MYO1H: variants seen among roughly 807,000 people sequenced by gnomAD.
MYO1H encodes the protein myosin IH.
MYO1H carries 118 observed loss-of-function variants against 149.3 expected under a neutral mutation model. The ratio of observed to expected loss-of-function variants is 0.79; its 90% CI spans 0.68 to 0.92. The LOEUF is 0.92. MYO1H is among the 40% of genes least tolerant of loss of function. The probability of loss-of-function intolerance (pLI) is 0.00; values close to 1 mark genes in which losing one functional copy is unlikely to be tolerated. For missense variants in MYO1H, 1,212 were observed against 1,280.7 expected (o/e 0.95, Z 0.82); for synonymous variants, 447 against 465.2 (o/e 0.96, Z 0.50).
At chr12:109,425,325 C>T (rs145358359) in intron 17 of MYO1H, among the ~76,000 whole-genome samples, 7 of 152,246 alleles carry the variant, frequency 4.6e-5, no homozygotes, top group African/African-American at 1.7e-4. Flanking sequence ...CAGAGCAAGA[C>T]CCTGTCTCTT....
intron 27 of MYO1H, among the ~76,000 whole-genome samples, chr12:109,443,174 A>ATATGTGTGTATATATGTGTACG: frequency 8.6e-6 from 1 of 115,640 alleles, no homozygotes; most frequent in Middle Eastern, 4.0e-3. Context: ...ATGTGTACGT[A>ATATGTGTGTATATATGTGTACG]TGTGTGTATA....
At chr12:109,410,209 A>T (rs758423648) in intron 12 of MYO1H, 141 bp downstream of exon 12, 3 of 476,334 alleles carry the variant, frequency 6.3e-6, no homozygotes, top group African/African-American at 6.1e-5. Context: ...TGGCACAATC[A>T]TGACTGGTTG....
chr12:109,430,100 A>G (rs1871546982), intron 19 of MYO1H, among the ~76,000 whole-genome samples: 1 of 152,232 alleles, frequency 6.6e-6, no homozygotes, highest in South Asian at 2.1e-4. Flanking sequence ...AGATTTCATC[A>G]TATGAATTTT....
the MYO1H span, among the ~76,000 whole-genome samples, chr12:109,342,673 T>C: frequency 6.6e-6 from 1 of 150,768 alleles, no homozygotes; most frequent in Non-Finnish European, 1.5e-5. Context: ...CTTCCAAGTA[T>C]TTGGGACCAC....
chr12:109,396,186 G>C (rs968952536), intron 3 of MYO1H, among the ~76,000 whole-genome samples, 198 bp from the exon 4 acceptor site: 1 of 152,036 alleles, frequency 6.6e-6, no homozygotes, highest in African/African-American at 2.4e-5. Context: ...GCTTCCCAGA[G>C]TGCTGGGATT....
At chr12:109,377,956 C>A (rs1869117925) in intron 1 of MYO1H, among the ~76,000 whole-genome samples, 1 of 152,152 alleles carries the variant, frequency 6.6e-6, no homozygotes, top group Non-Finnish European at 1.5e-5. Context: ...AATGTCATTT[C>A]CTCCGTATTT....
chr12:109,440,088 G>A (rs549778000), intron 24 of MYO1H, among the ~76,000 whole-genome samples: 2 of 151,150 alleles, frequency 1.3e-5, no homozygotes, highest in Non-Finnish European at 2.9e-5. Flanking sequence ...AGGCTAGAGT[G>A]CAGTGGCGCG....
At chr12:109,312,808 T>G in the MYO1H span, among the ~76,000 whole-genome samples, 36 of 150,306 alleles carry the variant, frequency 2.4e-4, no homozygotes, top group African/African-American at 8.6e-4. Flanking sequence ...TTTTTTTAAC[T>G]TGAACCATTA....
chr12:109,351,450 A>G (rs1868459415), intron 1 of MYO1H, among the ~76,000 whole-genome samples: 1 of 152,252 alleles, frequency 6.6e-6, no homozygotes, highest in African/African-American at 2.4e-5. Context: ...ATTTTAAGGT[A>G]ACTTCCTAAT....
At chr12:109,364,250 A>G (rs1868819447) in intron 1 of MYO1H, among the ~76,000 whole-genome samples, 1 of 151,706 alleles carries the variant, frequency 6.6e-6, no homozygotes, top group African/African-American at 2.4e-5. Flanking sequence ...GCCTCATGTA[A>G]CTGTCTGTCC....
At chr12:109,423,185 G>C (rs1236827146) in intron 16 of MYO1H, among the ~76,000 whole-genome samples, 2 of 152,104 alleles carry the variant, frequency 1.3e-5, no homozygotes, top group Non-Finnish European at 2.9e-5. Flanking sequence ...TTGAGACAGA[G>C]TCTCACTCTG....
chr12:109,436,475 GTTTTA>G lies in MYO1H; in HGVS notation c.2141-7_2141-3del, dbSNP rs754486212. Reference sequence around the variant, plus strand: ...GCAAAGCCATTTCACCAAAACGTCTGTTTTATTTTAAGTTGCAAGAATCCAAGCCA... The same window carrying G: ...GCAAAGCCATTTCACCAAAACGTCTGTTTTAAGTTGCAAGAATCCAAGCCA... On this transcript the variant is annotated splice_region_variant and splice_polypyrimidine_tract_variant and intron_variant, in intron 21 of 31. Coordinates refer to ENST00000310903, the Ensembl canonical transcript of MYO1H. 71 of 1,603,882 alleles carry G rather than the reference GTTTTA, an allele frequency of 4.4e-5. No homozygotes were observed. In the African/African-American group the frequency reaches 6.8e-4, roughly 15 times the overall value.
At chr12:109,420,400 A>C (rs1871123596) in intron 15 of MYO1H, among the ~76,000 whole-genome samples, 2 of 152,170 alleles carry the variant, frequency 1.3e-5, no homozygotes, top group African/African-American at 4.8e-5. Context: ...AAAGAGGTTT[A>C]ATTAACTCAA....
chr12:109,406,892 C>T (rs375421716), intron 9 of MYO1H, 32 bp downstream of exon 9: 34 of 1,591,952 alleles, frequency 2.1e-5, no homozygotes, highest in Non-Finnish European at 2.8e-5. Flanking sequence ...AATGTGCCAG[C>T]CCTCCCTGCT....
chr12:109,443,760 C>A (rs541182663), intron 28 of MYO1H, 111 bp downstream of exon 28: 268 of 1,251,456 alleles, frequency 2.1e-4, no homozygotes, highest in Non-Finnish European at 2.7e-4. Flanking sequence ...CCATAAACCC[C>A]GGGGTAGTGA....
intron 22 of MYO1H, among the ~76,000 whole-genome samples, 191 bp from the exon 23 acceptor site, chr12:109,438,344 CT>C (rs1871960686): frequency 1.3e-5 from 2 of 152,298 alleles, no homozygotes; most frequent in African/African-American, 4.8e-5. Context: ...CTGTCTCCCC[CT>C]GGTTCAGTTG....
Position 109,371,216 on chromosome 12 carries a change from T to TC in MYO1H, c.13-17467_13-17466insC, listed in dbSNP as rs1211109982. On this transcript the variant is annotated intron_variant, in intron 1 of 31. Coordinates refer to ENST00000310903, the Ensembl canonical transcript of MYO1H. ...ATTGGTTTTCTTTTTTTTCTTTCTT[T>TC]TTTTTTTTTTTTTTTTTGAAATAGG... Among the ~76,000 whole-genome samples, 140 of 141,564 alleles carry TC rather than the reference T, an allele frequency of 9.9e-4. 1 individual carries two copies. Among genetic ancestry groups the TC allele is most frequent in the African/African-American group, 3.2e-3 (117 of 36,126 alleles). The allele number at this position is 141,564 out of a possible 152,430, so 92.9% of individuals were successfully genotyped here.
chr12:109,433,039 C>CT, intron 20 of MYO1H, 29 bp downstream of exon 20: 1 of 1,571,826 alleles, frequency 6.4e-7, no homozygotes, highest in Non-Finnish European at 8.8e-7. Flanking sequence ...ACCAAATGGT[C>CT]TCTTCCCTTG....
chr12:109,380,358 G>A (rs954074760), intron 1 of MYO1H, among the ~76,000 whole-genome samples: 11 of 151,548 alleles, frequency 7.3e-5, no homozygotes, highest in African/African-American at 2.7e-4. Context: ...AAATCAATCC[G>A]CTGACATAAA....
Sources: allele counts gnomAD v4.1 joint callset (sites outside exome capture counted in the v4.1 genomes callset), GRCh38; gene constraint gnomAD v4.1.1; transcripts MANE v1.5; gene names NCBI Gene and HGNC (gene_info 2026-07-23, HGNC 2026-07-21).